Variants in CCDC136 observed in about 807,000 individuals in gnomAD.
CCDC136 encodes coiled-coil domain-containing protein 136.
CCDC136 carries 100 observed loss-of-function variants against 141.2 expected under a neutral mutation model. The observed-to-expected ratio is 0.71, with a 90% CI of 0.60 to 0.84. The LOEUF is 0.84. Ranked by LOEUF, CCDC136 falls within the 40% of genes least tolerant of loss-of-function variation. The pLI, the probability that CCDC136 is intolerant of heterozygous loss-of-function variation, is 0.00. For synonymous variants in CCDC136, 474 were observed against 531.9 expected (o/e 0.89, Z 1.50); for missense variants, 1,206 against 1,379.4 (o/e 0.87, Z 1.99).
rs752866431 is a variant in CCDC136, at chr7:128,815,703, G to C, written c.3135G>C (p.Glu1045Asp). Residue 1045 changes from glutamate to aspartate, a missense_variant, in exon 16 of 18, where the codon GAG becomes GAC. By Grantham distance (45) the Glu-to-Asp change is conservative. Coordinates refer to ENST00000297788, the MANE Select transcript of CCDC136 (RefSeq NM_022742.5). ...KEEEKKEEME[E>D]EKKQVKEEAK... Reference sequence around the variant, plus strand: ...AGGAAAAGAAAGAGGAGATGGAGGAGGAAAAAAAGCAAGTGAAAGAGGAAG... The same window carrying C: ...AGGAAAAGAAAGAGGAGATGGAGGACGAAAAAAAGCAAGTGAAAGAGGAAG... The C allele has an allele frequency of 6.4e-7, 1 of 1,555,480 alleles. No homozygotes were observed. The highest frequency in any genetic ancestry group is 1.2e-5 in the South Asian group (1 of 84,222).
At position 128,814,635 on chromosome 7, in the gene CCDC136, C is replaced by A; in HGVS notation, c.2764-3C>A. On this transcript the variant is annotated splice_region_variant and splice_polypyrimidine_tract_variant and intron_variant, in intron 14 of 17. Transcript: ENST00000297788. ...TGGGTAACTGGCCCTCCACTACCAA[C>A]AGATCAAAGAACTGCAGACCAAGCT... The A allele has an allele frequency of 6.4e-7, 1 of 1,555,620 alleles. No homozygotes were observed. Among genetic ancestry groups the A allele is most frequent in the Non-Finnish European group, 8.7e-7 (1 of 1,150,912 alleles).
At chr7:128,810,699 A>G (rs1805584164) in intron 12 of CCDC136, among the ~76,000 whole-genome samples, 1 of 152,216 alleles carries the variant, frequency 6.6e-6, no homozygotes, top group Admixed American at 6.5e-5. Context: ...TAAGATGTAT[A>G]ATATCAGTTT....
chr7:128,813,507 G>T (rs145445702), intron 14 of CCDC136, among the ~76,000 whole-genome samples: 2 of 152,282 alleles, frequency 1.3e-5, no homozygotes, highest in East Asian at 3.9e-4. Context: ...TGAGGGGATG[G>T]TTGTGTGCTG....
At position 128,806,414 on chromosome 7, in the gene CCDC136, G is replaced by A. The variant is rs1202034487; in HGVS notation, c.1248+19G>A. 1 of 1,589,138 alleles carries A rather than the reference G, an allele frequency of 6.3e-7. No homozygotes were observed. The highest frequency in any genetic ancestry group is 8.6e-7 in the Non-Finnish European group (1 of 1,164,334). ...TGAGAAGGTAACAGCAACCAGAGGT[G>A]AGGGGACAACTTAGGTGCTAAGGGC... On this transcript the variant is annotated intron_variant, in intron 8 of 17. Coordinates refer to ENST00000297788, the MANE Select transcript of CCDC136 (RefSeq NM_022742.5).
In CCDC136 at chr7:128,812,692, C is replaced by G; in HGVS notation, c.2542-16C>G. ...TGCTCCTCAGGGTGCTATTGTTGCT[C>G]CCCCACCCCCCGCAGCGCTTTGAGG... On this transcript the variant is annotated splice_polypyrimidine_tract_variant and intron_variant, in intron 13 of 17. Transcript: ENST00000297788. The G allele has an allele frequency of 6.2e-7, 1 of 1,601,250 alleles. No individual in the cohort carries two copies. Among genetic ancestry groups the G allele is most frequent in the Non-Finnish European group, 8.5e-7 (1 of 1,172,906 alleles).
In CCDC136 at chr7:128,792,411, G is replaced by A; in HGVS notation, c.-1G>A. 6.2e-7 allele frequency: 1 copy of A among 1,611,022 alleles called. No homozygotes were observed. Among genetic ancestry groups the A allele is most frequent in the Middle Eastern group, 1.7e-4 (1 of 6,048 alleles). On this transcript the variant is annotated 5_prime_UTR_variant, in exon 1 of 18. Transcript: ENST00000297788. ...GCTGGGGGTCCCTGGAACGACGGGG[G>A]ATGCAAGCTATGGAGGGTGAGTTTT... is the stretch of plus-strand genomic sequence containing the variant.
chr7:128,792,989 A>AAGGACGCTGGTCCAT (rs1488732926), intron 1 of CCDC136, among the ~76,000 whole-genome samples: 3 of 152,212 alleles, frequency 2.0e-5, no homozygotes, highest in Non-Finnish European at 2.9e-5. Context: ...AGGCCCCTGG[A>AAGGACGCTGGTCCAT]AGGACGCTGG....
At position 128,813,747 on chromosome 7, in the gene CCDC136, G is replaced by A. The variant is rs959069191; in HGVS notation, c.2763+818G>A. Reference sequence around the variant, plus strand: ...TGTAATCTCAGCACTTTGGGAGGCCGAGGCGGGTGGATCACTTGAGGTCAG... The same window carrying A: ...TGTAATCTCAGCACTTTGGGAGGCCAAGGCGGGTGGATCACTTGAGGTCAG... On this transcript the variant is annotated intron_variant, in intron 14 of 17. Transcript: ENST00000297788. Among the ~76,000 whole-genome samples, 3 of 152,264 alleles carry A rather than the reference G, an allele frequency of 2.0e-5. No homozygotes were observed. The South Asian group carries it at 6.2e-4, about 32-fold the overall frequency.
In CCDC136 at chr7:128,801,198, C is replaced by G. The variant is rs1322510517; in HGVS notation, c.359C>G (p.Ser120Cys). The change falls in exon 4 of 18, where the codon TCT (serine) becomes TGT (cysteine). Residue 120 changes from serine (S) to cysteine (C), a missense_variant. Coordinates refer to ENST00000297788, the MANE Select transcript of CCDC136 (RefSeq NM_022742.5). ...QIQQLQGELR[S>C]LREEISLLEH... The stretch of plus-strand genomic sequence containing the variant: ...TTGGACTTTGCAGGTGAGCTGCGTT[C>G]TCTACGGGAGGAGATTTCCCTGTTA... 6.2e-7 allele frequency: 1 copy of G among 1,612,064 alleles called. No homozygotes were observed. Among genetic ancestry groups the G allele is most frequent in the Admixed American group, 1.7e-5 (1 of 59,990 alleles).
chr7:128,817,987 T>C lies in CCDC136; in HGVS notation c.*5+123T>C. The C allele has an allele frequency of 1.2e-5, 9 of 721,830 alleles. No homozygotes were observed. The South Asian group carries it at 1.6e-4, about 13-fold the overall frequency. The allele number at this position is 721,830 out of a possible 1,614,324, so 44.7% of individuals were successfully genotyped here. A position where few individuals can be genotyped will look rare whatever the true frequency, so the allele number is the denominator to read the frequency against. ...GCTTGTGCCATTTTATAATAGGTGATGCTCAGGTCTGAGTTTTAGTTCTGA... is the reference window on the plus strand; with the variant it reads ...GCTTGTGCCATTTTATAATAGGTGACGCTCAGGTCTGAGTTTTAGTTCTGA... On this transcript the variant is annotated intron_variant, in intron 17 of 17. Transcript: ENST00000297788. This position sits in a 1 kb window ranked among gnomAD's most constrained non-coding sequence, Gnocchi z 4.6.
In CCDC136 at chr7:128,815,853, A is replaced by G; in HGVS notation, c.3285A>G (p.Glu1095=). ...AAGAGGAGAAGGAAGAAGACAGTGA[A>G]GAGGAGGAGGATGACGCCGACTCTT... ...KEEEEKEEDS[E]EEEDDADSSL... is the part of the protein sequence containing the mutation. Residue 1095 remains glutamate, a synonymous_variant, in exon 16 of 18, where the codon GAA becomes GAG. Coordinates refer to ENST00000297788, the MANE Select transcript of CCDC136 (RefSeq NM_022742.5). The G allele has an allele frequency of 6.2e-7, 1 of 1,613,618 alleles. No homozygotes were observed. Among genetic ancestry groups the G allele is most frequent in the Non-Finnish European group, 8.5e-7 (1 of 1,179,718 alleles).
chr7:128,802,122 T>TG (rs1020267053), intron 4 of CCDC136, among the ~76,000 whole-genome samples: 1 of 152,082 alleles, frequency 6.6e-6, no homozygotes, highest in Non-Finnish European at 1.5e-5. Context: ...ATAGAAGCTT[T>TG]GGGGGGCAAC....
rs1157952950 is a variant in CCDC136, at chr7:128,794,352, G to A, written c.21G>A (p.Glu7=). 6.4e-7 allele frequency: 1 copy of A among 1,552,838 alleles called. No homozygotes were observed. The highest frequency in any genetic ancestry group is 8.7e-7 in the Non-Finnish European group (1 of 1,147,476). The change falls in exon 2 of 18, where the codon GAG becomes GAA. Residue 7 remains glutamate, a synonymous_variant. Transcript: ENST00000297788. This position sits in a 1 kb window ranked among gnomAD's most constrained non-coding sequence, Gnocchi z 4.3. ...TGGGATGGCTGTGTCTCCTAGGGGA[G>A]GTGTTACTCCCAGCTCTCTATGAGG... MQAMEG[E]VLLPALYEEE... is the part of the protein sequence containing the mutation.
rs1585085301 is a variant in CCDC136, at chr7:128,805,308, G to A, written c.783-51G>A. ...TCAGGACAAAGCCTGCATGGCTGGT[G>A]ATGCCAGGCAGAACTCCCTTCAAGC... On this transcript the variant is annotated intron_variant, in intron 5 of 17. Coordinates refer to ENST00000297788, the MANE Select transcript of CCDC136 (RefSeq NM_022742.5). This position sits in a 1 kb window ranked among gnomAD's most constrained non-coding sequence, Gnocchi z 4.6. 1 of 1,556,188 alleles carries A rather than the reference G, an allele frequency of 6.4e-7. No individual in the cohort carries two copies. Among genetic ancestry groups the A allele is most frequent in the East Asian group, 2.2e-5 (1 of 44,446 alleles).
At position 128,791,972 on chromosome 7, in the gene CCDC136, A is replaced by C; in HGVS notation, c.-440A>C. ...ACGCCCCCCACTCCTCCCTCCCTCC[A>C]TCTGTAGGCCACCTCAGCCTTTCAG... On this transcript the variant is annotated 5_prime_UTR_variant, in exon 1 of 18. Coordinates refer to ENST00000297788, the MANE Select transcript of CCDC136 (RefSeq NM_022742.5). This position sits in a 1 kb window ranked among gnomAD's most constrained non-coding sequence, Gnocchi z 7.1. 8.1e-6 allele frequency: 9 copies of C among 1,117,416 alleles called. No homozygotes were observed. In the South Asian group the frequency reaches 1.0e-4, roughly 12 times the overall value. 69.2% of individuals were successfully genotyped at this position (1,117,416 alleles called of 1,614,324 possible).
intron 12 of CCDC136, among the ~76,000 whole-genome samples, chr7:128,810,770 G>A (rs1805590982): frequency 6.6e-6 from 1 of 152,228 alleles, no homozygotes; most frequent in Non-Finnish European, 1.5e-5. Flanking sequence ...GAGTGGAAAA[G>A]TACACTTCTC....
chr7:128,797,899 C>T (rs1401248884), intron 3 of CCDC136, among the ~76,000 whole-genome samples: 1 of 150,816 alleles, frequency 6.6e-6, no homozygotes, highest in Non-Finnish European at 1.5e-5. Flanking sequence ...CAGGCAGGAA[C>T]TACCTGGGAA....
chr7:128,818,364 G>C (rs1313232366), intron 17 of CCDC136: 2 of 160,080 alleles, frequency 1.2e-5, no homozygotes, highest in Non-Finnish European at 2.7e-5. Flanking sequence ...GCTCTGAAGA[G>C]CTCTGATCCT....
rs1249379180 is a variant in CCDC136 at position 128,809,448 on chromosome 7, A to T, written c.1606-2A>T. The T allele has an allele frequency of 1.7e-6, 2 of 1,168,190 alleles. No individual in the cohort carries two copies. Among genetic ancestry groups the T allele is most frequent in the Non-Finnish European group, 2.4e-6 (2 of 848,828 alleles). The allele number at this position is 1,168,190 out of a possible 1,614,324, so 72.4% of individuals were successfully genotyped here. A position where few individuals can be genotyped will look rare whatever the true frequency, so the allele number is the denominator to read the frequency against. ...CCCCTCCACACCCGCCCCCACCCAC[A>T]GTGTGACACACTGCTGTCCAGACTG... On this transcript the variant is annotated splice_acceptor_variant, in intron 10 of 17. Transcript: ENST00000297788. LOFTEE classifies it high-confidence loss of function.
Sources: gnomAD v4.1 joint callset for allele counts (sites outside exome capture counted in the v4.1 genomes callset) on GRCh38, gnomAD v4.1.1 for gene constraint, Gnocchi (gnomAD v3.1) non-coding constraint, MANE v1.5 for transcripts, NCBI Gene and HGNC (gene_info 2026-07-23, HGNC 2026-07-21) for gene names.